ITPK1: variants seen among roughly 807,000 people sequenced by gnomAD.
ITPK1 encodes inositol 1,3,4-trisphosphate 5/6-kinase.
ITPK1 carries 21 observed loss-of-function variants against 45.3 expected under a neutral mutation model. The observed-to-expected ratio is 0.46, with a 90% CI of 0.33 to 0.67. The LOEUF (loss-of-function observed/expected upper bound fraction) is 0.67. Among genes scored for constraint, ITPK1 ranks in the 30% least tolerant of loss-of-function variants. ITPK1 has a pLI of 0.02. For synonymous variants in ITPK1, 258 were observed against 253.6 expected, an observed-to-expected ratio of 1.02 and a Z score of -0.16; for missense variants, 474 against 573.5, an observed-to-expected ratio of 0.83 and a Z score of 1.77.
rs1245620365 is a variant in ITPK1, at chr14:93,076,125, C to T, written c.120+470G>A. 6.6e-6 allele frequency among the ~76,000 whole-genome samples: 1 copy of T among 151,726 alleles called. No individual in the cohort carries two copies. The highest frequency in any genetic ancestry group is 1.5e-5 in the Non-Finnish European group (1 of 67,904). On this transcript the variant is annotated intron_variant, in intron 3 of 10. Coordinates refer to ENST00000267615, the MANE Select transcript of ITPK1 (RefSeq NM_014216.6). The surrounding 1 kb of genome is among the most constrained non-coding windows in gnomAD (Gnocchi z 4.3). Reference sequence around the variant, plus strand: ...CATCCTTCCTTCTCCCTCCATCTGTCCACCTTTCCCCTCCCTCCAAGATCC... The same window carrying T: ...CATCCTTCCTTCTCCCTCCATCTGTTCACCTTTCCCCTCCCTCCAAGATCC...
chr14:92,939,932 C>T lies in ITPK1; in HGVS notation c.*1629G>A, dbSNP rs148617200. 4 of 985,742 alleles carry T rather than the reference C, an allele frequency of 4.1e-6. No individual in the cohort carries two copies. Among genetic ancestry groups the T allele is most frequent in the Admixed American group, 1.2e-4 (2 of 16,270 alleles). 61.1% of individuals were successfully genotyped at this position (985,742 alleles called of 1,614,324 possible). Reference sequence around the variant, plus strand: ...GAGGCCAGCCACGCTTTCCTGTTCCCCAGGGCTCAGGGTCAGAACTAGGAA... The same window carrying T: ...GAGGCCAGCCACGCTTTCCTGTTCCTCAGGGCTCAGGGTCAGAACTAGGAA... On this transcript the variant is annotated 3_prime_UTR_variant, in exon 11 of 11. Coordinates refer to ENST00000267615, the MANE Select transcript of ITPK1 (RefSeq NM_014216.6).
intron 9 of ITPK1, among the ~76,000 whole-genome samples, chr14:92,948,773 T>C (rs1429033485): frequency 3.6e-5 from 5 of 139,334 alleles, no homozygotes; most frequent in African/African-American, 1.2e-4. Flanking sequence ...AGGGAAGCGC[T>C]GAGCAGGGAC....
In ITPK1 at chr14:93,063,371, G is replaced by T. The variant is rs1890613458; in HGVS notation, c.120+13224C>A. On this transcript the variant is annotated intron_variant, in intron 3 of 10. Coordinates refer to ENST00000267615, the MANE Select transcript of ITPK1 (RefSeq NM_014216.6). This position sits in a 1 kb window ranked among gnomAD's most constrained non-coding sequence, Gnocchi z 4.3. ...CAAACTCCTGCCCAGTGAGACAGGG[G>T]TGTGAGCTTCACAAGACCCCTCGAG... Among the ~76,000 whole-genome samples, 1 of 152,162 alleles carries T rather than the reference G, an allele frequency of 6.6e-6. No homozygotes were observed. The highest frequency in any genetic ancestry group is 1.5e-5 in the Non-Finnish European group (1 of 68,022).
At chr14:93,018,284 A>G (rs1888291904) in intron 3 of ITPK1, among the ~76,000 whole-genome samples, 1 of 151,928 alleles carries the variant, frequency 6.6e-6, no homozygotes, top group South Asian at 2.1e-4. Context: ...CGCCTCCCCT[A>G]TGGCTCCAGG....
At chr14:92,968,595 G>A (rs941990380) in intron 5 of ITPK1, among the ~76,000 whole-genome samples, 2 of 152,156 alleles carry the variant, frequency 1.3e-5, no homozygotes, top group East Asian at 1.9e-4. Flanking sequence ...GAGTCCAGAC[G>A]AAATGCAAGA....
intron 2 of ITPK1, among the ~76,000 whole-genome samples, chr14:93,107,766 G>C (rs140336310): frequency 1.2e-4 from 18 of 152,306 alleles, no homozygotes; most frequent in African/African-American, 2.2e-4. Context: ...CCTAAAAATG[G>C]CTGTGGGAGC....
In ITPK1 at chr14:92,993,309, G is replaced by A. The variant is rs538369824; in HGVS notation, c.364+571C>T. ...AGTCTTTCTCACATAAACACCTTGA[G>A]AATGTGGCCTTGAGTTCTCTGGCTC... On this transcript the variant is annotated intron_variant, in intron 5 of 10. Coordinates refer to ENST00000267615, the MANE Select transcript of ITPK1 (RefSeq NM_014216.6). 3.3e-5 allele frequency among the ~76,000 whole-genome samples: 5 copies of A among 152,370 alleles called. No individual in the cohort carries two copies. In the South Asian group the frequency reaches 1.0e-3, roughly 32 times the overall value.
intron 3 of ITPK1, among the ~76,000 whole-genome samples, chr14:93,060,526 T>A (rs1183559841): frequency 1.3e-5 from 2 of 152,160 alleles, no homozygotes; most frequent in Non-Finnish European, 2.9e-5. Flanking sequence ...AGTATCAGCA[T>A]GGGGACAGTG....
intron 5 of ITPK1, among the ~76,000 whole-genome samples, chr14:92,979,551 T>A (rs141686607): frequency 2.0e-5 from 3 of 152,264 alleles, no homozygotes; most frequent in Non-Finnish European, 2.9e-5. Context: ...GGTGATTGGA[T>A]CATGGAAGCA....
intron 2 of ITPK1, among the ~76,000 whole-genome samples, chr14:93,094,888 G>A (rs1489584599): frequency 1.3e-5 from 2 of 152,214 alleles, no homozygotes; most frequent in Admixed American, 6.5e-5. Context: ...AGGACTCCTG[G>A]CTCCACAGCG....
In ITPK1 at chr14:93,004,549, A is replaced by C. The variant is rs59385913; in HGVS notation, c.247-10552T>G. 8.0e-3 allele frequency among the ~76,000 whole-genome samples: 1,211 copies of C among 152,010 alleles called. 16 individuals carry two copies. Among genetic ancestry groups the C allele is most frequent in the African/African-American group, 0.028 (1,156 of 41,464 alleles). On this transcript the variant is annotated intron_variant, in intron 4 of 10. Coordinates refer to ENST00000267615, the MANE Select transcript of ITPK1 (RefSeq NM_014216.6). ...ACGTGTATGTGGGAGCTTGTGAGTGAGTGCGTGTGTGTGTATGAGTGTGAG... is the reference window on the plus strand; with the variant it reads ...ACGTGTATGTGGGAGCTTGTGAGTGCGTGCGTGTGTGTGTATGAGTGTGAG...
At position 92,937,292 on chromosome 14, in the gene ITPK1, C is replaced by T. The variant is rs1887172700; in HGVS notation, c.*4269G>A. 6.6e-6 allele frequency: 1 copy of T among 152,222 alleles called. No individual in the cohort carries two copies. Among genetic ancestry groups the T allele is most frequent in the Admixed American group, 6.5e-5 (1 of 15,278 alleles). 9.4% of individuals were successfully genotyped at this position (152,222 alleles called of 1,614,324 possible). ...ACAGCTTGAAGCAAACAGCATTTGTCACAAAGCCCAGGTGTCGGCAGGAAC... is the reference window on the plus strand; with the variant it reads ...ACAGCTTGAAGCAAACAGCATTTGTTACAAAGCCCAGGTGTCGGCAGGAAC... On this transcript the variant is annotated 3_prime_UTR_variant, in exon 11 of 11. Coordinates refer to ENST00000267615, the MANE Select transcript of ITPK1 (RefSeq NM_014216.6).
intron 2 of ITPK1, among the ~76,000 whole-genome samples, chr14:93,104,573 G>A (rs1054159247): frequency 1.3e-5 from 2 of 152,170 alleles, no homozygotes; most frequent in Admixed American, 6.5e-5. Context: ...ATGGTTTCAG[G>A]AGTCACCCAT....
At chr14:93,100,442 A>G (rs921560691) in intron 2 of ITPK1, among the ~76,000 whole-genome samples, 1 of 151,208 alleles carries the variant, frequency 6.6e-6, no homozygotes, top group Non-Finnish European at 1.5e-5. Flanking sequence ...ATAAGGATTG[A>G]GGGTGAGGAC....
intron 3 of ITPK1, among the ~76,000 whole-genome samples, chr14:93,049,338 C>T (rs147900481): frequency 1.6e-3 from 244 of 152,286 alleles, no homozygotes; most frequent in African/African-American, 5.5e-3. Flanking sequence ...TAAACACAGT[C>T]GGCTCAGAGG....
intron 9 of ITPK1, 60 bp from the exon 10 acceptor site, chr14:92,946,553 C>A: frequency 2.0e-6 from 3 of 1,517,708 alleles, no homozygotes; most frequent in Non-Finnish European, 2.7e-6. Context: ...CCACACCACA[C>A]AGACAGACCC....
intron 4 of ITPK1, among the ~76,000 whole-genome samples, chr14:93,015,560 G>A (rs1374596156): frequency 1.3e-5 from 2 of 152,258 alleles, no homozygotes; most frequent in Non-Finnish European, 1.5e-5. Context: ...TCTCCAGTCC[G>A]ATCAAGGAGA....
intron 3 of ITPK1, among the ~76,000 whole-genome samples, chr14:93,045,590 G>A (rs775576997): frequency 2.6e-5 from 4 of 152,154 alleles, no homozygotes; most frequent in Non-Finnish European, 5.9e-5. Flanking sequence ...AGGAGTTCAA[G>A]GCTGAAGTGC....
At chr14:92,991,188 G>A (rs542239131) in intron 5 of ITPK1, among the ~76,000 whole-genome samples, 117 of 152,306 alleles carry the variant, frequency 7.7e-4, no homozygotes, top group African/African-American at 2.6e-3. Context: ...ACAGCAGGCA[G>A]TTGAGGAGGG....
Sources: gnomAD v4.1 joint callset for allele counts (sites outside exome capture counted in the v4.1 genomes callset) on GRCh38, gnomAD v4.1.1 for gene constraint, Gnocchi (gnomAD v3.1) non-coding constraint, MANE v1.5 for transcripts, NCBI Gene and HGNC (gene_info 2026-07-23, HGNC 2026-07-21) for gene names.